Variants in ISOC1 observed in about 807,000 individuals in gnomAD.
The protein encoded by ISOC1 is isochorismatase domain containing 1.
In ISOC1, 33 loss-of-function variants were observed where a neutral mutation model predicts 30.0. The ratio of observed to expected loss-of-function variants is 1.10; its 90% CI spans 0.83 to 1.47. The LOEUF (loss-of-function observed/expected upper bound fraction) is 1.47. Among genes scored for constraint, ISOC1 ranks in the 40% most tolerant of loss-of-function variants. The pLI is 0.00. For synonymous variants in ISOC1, 178 were observed against 159.8 expected, an observed-to-expected ratio of 1.11 and a Z score of -0.86; for missense variants, 372 against 388.0, an observed-to-expected ratio of 0.96 and a Z score of 0.35.
In ISOC1 at chr5:129,105,675, T is replaced by C. The variant is rs530975986; in HGVS notation, c.633+287T>C. 3.3e-5 allele frequency among the ~76,000 whole-genome samples: 5 copies of C among 152,276 alleles called. No individual in the cohort carries two copies. The East Asian group carries it at 5.8e-4, about 18-fold the overall frequency. ...GTAACTGACTTGAATGTATGTAAGC[T>C]GATTGATTCTTGGTCCTGTATTTTT... On this transcript the variant is annotated intron_variant, in intron 3 of 4. Transcript: ENST00000173527.
In ISOC1 at chr5:129,112,964, C is replaced by T. The variant is rs780383711; in HGVS notation, c.860C>T (p.Ala287Val). 13 of 1,613,606 alleles carry T rather than the reference C, an allele frequency of 8.1e-6. No individual in the cohort carries two copies. Among genetic ancestry groups the T allele is most frequent in the South Asian group, 3.3e-5 (3 of 91,052 alleles). Reference sequence around the variant, plus strand: ...AAGGAAATTCAGAATCTAATTAAGGCGAGTGCTCCAGAGTCGGGTCTGCTT... The same window carrying T: ...AAGGAAATTCAGAATCTAATTAAGGTGAGTGCTCCAGAGTCGGGTCTGCTT... ...KFKEIQNLIKASAPESGLLSK... is the reference protein window; with the variant it reads ...KFKEIQNLIKVSAPESGLLSK... The change falls in exon 5 of 5, where the codon GCG becomes GTG. Residue 287 changes from alanine to valine, a missense_variant. By Grantham distance (64) the Ala-to-Val change is moderately conservative. Coordinates refer to ENST00000173527, the MANE Select transcript of ISOC1 (RefSeq NM_016048.2).
chr5:129,097,281 G>T (rs1753514577), intron 1 of ISOC1, among the ~76,000 whole-genome samples: 1 of 152,032 alleles, frequency 6.6e-6, no homozygotes, highest in African/African-American at 2.4e-5. Flanking sequence ...TCCTAGCTTA[G>T]AGGTAGATAA....
intron 1 of ISOC1, chr5:129,097,891 T>C (rs1349354047): frequency 1.3e-5 from 2 of 152,478 alleles, no homozygotes; most frequent in Non-Finnish European, 2.9e-5. Flanking sequence ...TTCTTTGGAA[T>C]AAATGCTTGT....
intron 1 of ISOC1, among the ~76,000 whole-genome samples, chr5:129,098,805 G>T (rs1753538234): frequency 6.6e-6 from 1 of 152,146 alleles, no homozygotes; most frequent in Non-Finnish European, 1.5e-5. Context: ...TTTCTTGGAA[G>T]TTTATTACTA....
At chr5:129,098,795 T>A (rs1045765581) in intron 1 of ISOC1, among the ~76,000 whole-genome samples, 1 of 152,158 alleles carries the variant, frequency 6.6e-6, no homozygotes, top group African/African-American at 2.4e-5. Context: ...CAGCTTTCAT[T>A]TTCTTGGAAG....
chr5:129,097,607 T>C (rs1753519522), intron 1 of ISOC1: 1 of 152,316 alleles, frequency 6.6e-6, no homozygotes, highest in Admixed American at 6.5e-5. Flanking sequence ...TCTTGTTCCT[T>C]ACCTAATAAA....
intron 1 of ISOC1, among the ~76,000 whole-genome samples, chr5:129,101,311 C>CATGGTGAA (rs1753569553): frequency 6.7e-6 from 1 of 150,088 alleles, no homozygotes; most frequent in Non-Finnish European, 1.5e-5. Context: ...GCCTGGGCAA[C>CATGGTGAA]ATGGTGAAAC....
Position 129,113,184 on chromosome 5 carries a change from A to G in ISOC1, c.*183A>G, listed in dbSNP as rs1005424642. 14 of 489,528 alleles carry G rather than the reference A, an allele frequency of 2.9e-5. No homozygotes were observed. In the East Asian group the frequency reaches 4.5e-4, roughly 16 times the overall value. The allele number at this position is 489,528 out of a possible 1,614,324, so 30.3% of individuals were successfully genotyped here. ...ATTTGAGTACCAGCATTTAGTTACA[A>G]ACGTCAAAGGCTTCCGGTGCTGCTT... On this transcript the variant is annotated 3_prime_UTR_variant, in exon 5 of 5. Coordinates refer to ENST00000173527, the MANE Select transcript of ISOC1 (RefSeq NM_016048.2).
At chr5:129,103,618 T>C (rs1314900561) in intron 1 of ISOC1, among the ~76,000 whole-genome samples, 2 of 152,214 alleles carry the variant, frequency 1.3e-5, no homozygotes, top group Non-Finnish European at 2.9e-5. Flanking sequence ...AGAACAGTTA[T>C]ATCATTAAGG....
intron 4 of ISOC1, among the ~76,000 whole-genome samples, chr5:129,109,442 T>G (rs981949204): frequency 1.1e-4 from 17 of 152,222 alleles, no homozygotes; most frequent in Admixed American, 7.2e-4. Flanking sequence ...CTGCTTTTTT[T>G]GTTGTTACTG....
intron 1 of ISOC1, among the ~76,000 whole-genome samples, chr5:129,095,277 C>T (rs1753481948): frequency 6.6e-6 from 1 of 152,194 alleles, no homozygotes; most frequent in Non-Finnish European, 1.5e-5. Context: ...AGGTGATGGT[C>T]ACCAGCTGTC....
intron 3 of ISOC1, 113 bp from the exon 4 acceptor site, chr5:129,106,833 A>G: frequency 6.0e-6 from 4 of 667,274 alleles, no homozygotes; most frequent in Non-Finnish European, 1.1e-5. Context: ...GATGTAGAAC[A>G]AGGTCCTTAG....
chr5:129,113,242 T>C lies in ISOC1; in HGVS notation c.*241T>C. On this transcript the variant is annotated 3_prime_UTR_variant, in exon 5 of 5. Coordinates refer to ENST00000173527, the MANE Select transcript of ISOC1 (RefSeq NM_016048.2). ...TTTTTTGTTAATGTGCTTTTATTTA[T>C]TAAAAAAAATTACAATGAAGATGCC... 1 of 353,788 alleles carries C rather than the reference T, an allele frequency of 2.8e-6. No individual in the cohort carries two copies. The highest frequency in any genetic ancestry group is 5.1e-6 in the Non-Finnish European group (1 of 195,986). 21.9% of individuals were successfully genotyped at this position (353,788 alleles called of 1,614,324 possible).
chr5:129,111,247 C>T (rs1238195361), intron 4 of ISOC1, among the ~76,000 whole-genome samples: 1 of 151,768 alleles, frequency 6.6e-6, no homozygotes, highest in African/African-American at 2.4e-5. Context: ...AGGCCCCCAA[C>T]CCCCCCATAA....
intron 1 of ISOC1, among the ~76,000 whole-genome samples, chr5:129,104,405 T>C (rs1753608640): frequency 6.6e-6 from 1 of 152,134 alleles, no homozygotes; most frequent in Non-Finnish European, 1.5e-5. Context: ...ATTGTAACAC[T>C]TTTTCTGATT....
Position 129,094,920 on chromosome 5 carries a change from C to T in ISOC1, c.154C>T (p.Gln52Ter), listed in dbSNP as rs780437205. ...CGGGGCGGGCTACGAGCTGCTCATC[C>T]AGAAGTTCCTCAGCCTGTACGGCGA... ...PHGAGYELLI[Q>*]KFLSLYGDQI... Residue 52 changes from glutamine to a stop codon, truncating the protein, a stop_gained, in exon 1 of 5, where the codon CAG becomes TAG. Coordinates refer to ENST00000173527, the MANE Select transcript of ISOC1 (RefSeq NM_016048.2). LOFTEE classifies it high-confidence loss of function. 5 of 1,612,320 alleles carry T rather than the reference C, an allele frequency of 3.1e-6. No individual in the cohort carries two copies. The highest frequency in any genetic ancestry group is 4.2e-6 in the Non-Finnish European group (5 of 1,179,790).
rs1413022304 is a variant in ISOC1 at position 129,105,276 on chromosome 5, C to T, written c.521C>T (p.Thr174Ile). The change falls in exon 3 of 5, where the codon ACA becomes ATA. Residue 174 changes from threonine (T) to isoleucine (I), a missense_variant. Physicochemically the swap from Thr to Ile is moderately conservative, Grantham distance 89. Coordinates refer to ENST00000173527, the MANE Select transcript of ISOC1 (RefSeq NM_016048.2). Reference protein sequence around the residue: ...LGSTVQEIDLTGVKLVLPKTK... With the variant: ...LGSTVQEIDLIGVKLVLPKTK... ...AGCACGGTTCAAGAAATTGATTTAA[C>T]AGGTGTAAAACTGGTACTTCCAAAG... 3 of 1,613,554 alleles carry T rather than the reference C, an allele frequency of 1.9e-6. No homozygotes were observed. Among genetic ancestry groups the T allele is most frequent in the South Asian group, 1.1e-5 (1 of 91,078 alleles).
chr5:129,094,804 A>G lies in ISOC1; in HGVS notation c.38A>G (p.Asn13Ser), dbSNP rs774564385. 20 of 1,533,818 alleles carry G rather than the reference A, an allele frequency of 1.3e-5. No homozygotes were observed. Among genetic ancestry groups the G allele is most frequent in the South Asian group, 7.2e-5 (6 of 82,924 alleles). Reference sequence around the variant, plus strand: ...GAGCCGGCGGTCCTTGCGCTCCCCAACAGCGGCGCCGGGGGCGCGGGGGCG... The same window carrying G: ...GAGCCGGCGGTCCTTGCGCTCCCCAGCAGCGGCGCCGGGGGCGCGGGGGCG... ...AAEPAVLALP[N>S]SGAGGAGAPS... is the part of the protein sequence containing the mutation. Residue 13 changes from asparagine (N) to serine (S), a missense_variant, in exon 1 of 5, where the codon AAC (asparagine) becomes AGC (serine). By Grantham distance (46) the Asn-to-Ser change is conservative. Transcript: ENST00000173527.
chr5:129,111,313 G>A (rs1353617109), intron 4 of ISOC1, among the ~76,000 whole-genome samples: 2 of 151,966 alleles, frequency 1.3e-5, no homozygotes, highest in East Asian at 1.9e-4. Context: ...TTGCTGCAAA[G>A]TTCTGGTTAG....
Sources: gnomAD v4.1 joint callset for allele counts (sites outside exome capture counted in the v4.1 genomes callset) on GRCh38, gnomAD v4.1.1 for gene constraint, MANE v1.5 for transcripts, NCBI Gene and HGNC (gene_info 2026-07-23, HGNC 2026-07-21) for gene names.